The following GPHN variants were observed in gnomAD, a reference collection of about 807,000 sequenced individuals.
GPHN encodes gephyrin.
GPHN carries 17 observed loss-of-function variants against 95.5 expected under a neutral mutation model. The observed-to-expected ratio is 0.18, with a 90% CI of 0.12 to 0.27. GPHN has a LOEUF of 0.27. Ranked by LOEUF, GPHN falls within the 10% of genes least tolerant of loss-of-function variation. GPHN has a pLI of 1.00. For synonymous variants in GPHN, 320 were observed against 322.5 expected, an observed-to-expected ratio of 0.99 and a Z score of 0.08; for missense variants, 660 against 978.1, an observed-to-expected ratio of 0.67 and a Z score of 4.34.
chr14:67,688,539 G>C, the GPHN span, among the ~76,000 whole-genome samples: 1 of 152,042 alleles, frequency 6.6e-6, no homozygotes, highest in Non-Finnish European at 1.5e-5. Flanking sequence ...GGGGGAAGAG[G>C]GGAATAAATG....
chr14:66,536,012 G>T (rs1410719895), intron 1 of GPHN, among the ~76,000 whole-genome samples: 2 of 152,064 alleles, frequency 1.3e-5, no homozygotes, highest in African/African-American at 4.8e-5. Flanking sequence ...CCTAAACTTA[G>T]GGGAAAATGT....
the GPHN span, chr14:67,199,087 G>A: frequency 1.5e-3 from 1,496 of 1,029,562 alleles, 15 homozygotes; most frequent in African/African-American, 0.02. Context: ...ATCTCCGAGC[G>A]GAACCAGGAT....
the GPHN span, among the ~76,000 whole-genome samples, chr14:67,493,240 C>G: frequency 6.6e-6 from 1 of 152,164 alleles, no homozygotes; most frequent in African/African-American, 2.4e-5. Flanking sequence ...GTAATCTTAC[C>G]CATCCATCTA....
chr14:67,636,209 T>G, the GPHN span, among the ~76,000 whole-genome samples: 1 of 151,862 alleles, frequency 6.6e-6, no homozygotes, highest in Non-Finnish European at 1.5e-5. Context: ...CTATGAGCCC[T>G]GGTAGCAACA....
the GPHN span, among the ~76,000 whole-genome samples, chr14:67,212,877 GA>G: frequency 6.7e-6 from 1 of 150,146 alleles, no homozygotes; most frequent in African/African-American, 2.5e-5. Flanking sequence ...CACAATCCCA[GA>G]GCCTCTAGAT....
At chr14:67,715,237 C>G in the GPHN span, 1 of 152,146 alleles carries the variant, frequency 6.6e-6, no homozygotes, top group African/African-American at 2.4e-5. Flanking sequence ...GGGGGGAGCC[C>G]CCTAAATTGA....
At chr14:67,712,439 C>T in the GPHN span, among the ~76,000 whole-genome samples, 1 of 114,178 alleles carries the variant, frequency 8.8e-6, no homozygotes, top group African/African-American at 3.2e-5. Context: ...GCCTCTGTTG[C>T]AATAGCTATT....
chr14:66,913,159 C>G (rs1455615423), intron 5 of GPHN, among the ~76,000 whole-genome samples: 1 of 152,188 alleles, frequency 6.6e-6, no homozygotes, highest in African/African-American at 2.4e-5. Context: ...AAATACTAAT[C>G]TGTCAGACAG....
the GPHN span, among the ~76,000 whole-genome samples, chr14:67,666,041 T>C: frequency 5.4e-3 from 819 of 152,328 alleles, 5 homozygotes; most frequent in Middle Eastern, 0.014. Flanking sequence ...TTGTATTATT[T>C]TGTAATAAGC....
At chr14:67,062,134 T>C (rs1039851243) in intron 11 of GPHN, among the ~76,000 whole-genome samples, 1 of 152,200 alleles carries the variant, frequency 6.6e-6, no homozygotes, top group Non-Finnish European at 1.5e-5. Flanking sequence ...AATTGAATTG[T>C]CATAAGTAAA....
chr14:66,673,513 G>C lies in GPHN; in HGVS notation c.65-7594G>C, dbSNP rs894867790. ...AATCCTAATTCCTCTCTTCCACGCAGTGTATGCTTACTGGAATTCATTTAA... is the reference window on the plus strand; with the variant it reads ...AATCCTAATTCCTCTCTTCCACGCACTGTATGCTTACTGGAATTCATTTAA... On this transcript the variant is annotated intron_variant, in intron 1 of 22. Transcript: ENST00000478722. Among the ~76,000 whole-genome samples the C allele has an allele frequency of 2.6e-5, 4 of 152,170 alleles. No homozygotes were observed. In the East Asian group the frequency reaches 7.7e-4, roughly 29 times the overall value.
At chr14:67,199,890 G>A in the GPHN span, 72 of 1,485,990 alleles carry the variant, frequency 4.8e-5, no homozygotes, top group African/African-American at 5.8e-4. Context: ...GCCCCCCATC[G>A]GCAGGAACCC....
At chr14:67,473,991 G>A in the GPHN span, 2 of 1,486,866 alleles carry the variant, frequency 1.3e-6, no homozygotes, top group South Asian at 1.4e-5. This position sits in a 1 kb window ranked among gnomAD's most constrained non-coding sequence, Gnocchi z 6.5. Flanking sequence ...GGTGGCTCAC[G>A]CCTATAATCC....
At chr14:67,668,458 T>C in the GPHN span, among the ~76,000 whole-genome samples, 18,900 of 152,278 alleles carry the variant, frequency 0.12, 1,209 homozygotes, top group Admixed American at 0.14. Context: ...GACTGTACTT[T>C]GGAGAAATAC....
At chr14:67,306,513 T>TTG in the GPHN span, among the ~76,000 whole-genome samples, 13,889 of 147,456 alleles carry the variant, frequency 0.094, 782 homozygotes, top group Non-Finnish European at 0.14. Context: ...CTGGCTGAAT[T>TTG]TGTGTGTGTG....
At chr14:67,571,959 C>T in the GPHN span, 1 of 1,548,250 alleles carries the variant, frequency 6.5e-7, no homozygotes. Context: ...TCACCTCTTC[C>T]CATGGGCACT....
At chr14:67,213,559 T>G in the GPHN span, among the ~76,000 whole-genome samples, 6 of 152,110 alleles carry the variant, frequency 3.9e-5, no homozygotes, top group African/African-American at 1.4e-4. Context: ...TAATCCAGTT[T>G]ATCATTGTTG....
chr14:66,999,930 T>A (rs1005001274), intron 9 of GPHN, among the ~76,000 whole-genome samples: 1 of 151,838 alleles, frequency 6.6e-6, no homozygotes, highest in Non-Finnish European at 1.5e-5. Flanking sequence ...TTGTCATGCT[T>A]TTACTGGTCC....
intron 1 of GPHN, among the ~76,000 whole-genome samples, chr14:66,649,179 T>C (rs940202846): frequency 6.6e-6 from 1 of 151,660 alleles, no homozygotes; most frequent in Non-Finnish European, 1.5e-5. Flanking sequence ...TAAAATACAA[T>C]CGAAATTAGC....
Sources: gnomAD v4.1 joint callset for allele counts (sites outside exome capture counted in the v4.1 genomes callset) on GRCh38, gnomAD v4.1.1 for gene constraint, Gnocchi (gnomAD v3.1) non-coding constraint, MANE v1.5 for transcripts, NCBI Gene and HGNC (gene_info 2026-07-23, HGNC 2026-07-21) for gene names.